CTNNA3: variants seen among roughly 807,000 people sequenced by gnomAD.
CTNNA3 encodes the protein catenin alpha-3.
In CTNNA3, 76 loss-of-function variants were observed where a neutral mutation model predicts 95.7. The observed-to-expected ratio is 0.79, with a 90% CI of 0.66 to 0.96. The LOEUF is 0.96. Ranked by LOEUF, CTNNA3 falls within the 40% of genes least tolerant of loss-of-function variation. The probability of loss-of-function intolerance (pLI) is 0.00; values close to 1 mark genes in which losing one functional copy is unlikely to be tolerated. For missense variants in CTNNA3, 1,191 were observed against 1,089.8 expected (o/e 1.09, Z -1.31); for synonymous variants, 431 against 374.4 (o/e 1.15, Z -1.74).
At chr10:66,950,236 T>C (rs1848469504) in intron 7 of CTNNA3, among the ~76,000 whole-genome samples, 1 of 152,162 alleles carries the variant, frequency 6.6e-6, no homozygotes, top group Admixed American at 6.5e-5. Context: ...CCCATTCAAC[T>C]CTAATTGTAT....
intron 10 of CTNNA3, among the ~76,000 whole-genome samples, chr10:66,548,363 T>C (rs1206968648): frequency 6.6e-6 from 1 of 152,206 alleles, no homozygotes; most frequent in African/African-American, 2.4e-5. Flanking sequence ...TATTAAGTAT[T>C]ATAATTTGTC....
At chr10:67,263,388 G>A (rs1866692164) in intron 5 of CTNNA3, among the ~76,000 whole-genome samples, 1 of 152,158 alleles carries the variant, frequency 6.6e-6, no homozygotes, top group Non-Finnish European at 1.5e-5. Context: ...TAAGTCAGAG[G>A]TGGAGAAAAG....
intron 9 of CTNNA3, among the ~76,000 whole-genome samples, chr10:66,671,312 C>T (rs1384540317): frequency 6.6e-6 from 1 of 152,058 alleles, no homozygotes; most frequent in Non-Finnish European, 1.5e-5. Context: ...TGTACAATTG[C>T]TGAAAACCAT....
chr10:67,050,054 G>C (rs1400479086), intron 7 of CTNNA3, among the ~76,000 whole-genome samples: 4 of 152,128 alleles, frequency 2.6e-5, no homozygotes, highest in Non-Finnish European at 4.4e-5. Flanking sequence ...ACTGTGGCTA[G>C]GCATGCACAA....
chr10:66,480,486 C>T lies in CTNNA3; in HGVS notation c.1531+40131G>A, dbSNP rs183868974. Reference sequence around the variant, plus strand: ...TTATTTAACTAGTCATTTATTCTTTCGACAAATAGGCACTGGATATATGTC... The same window carrying T: ...TTATTTAACTAGTCATTTATTCTTTTGACAAATAGGCACTGGATATATGTC... On this transcript the variant is annotated intron_variant, in intron 11 of 17. Transcript: ENST00000433211. 5.1e-3 allele frequency among the ~76,000 whole-genome samples: 771 copies of T among 152,132 alleles called. 7 individuals carry two copies. Among genetic ancestry groups the T allele is most frequent in the African/African-American group, 0.017 (714 of 41,506 alleles).
At chr10:66,200,725 C>G (rs1365642876) in intron 13 of CTNNA3, among the ~76,000 whole-genome samples, 4 of 152,140 alleles carry the variant, frequency 2.6e-5, no homozygotes, top group African/African-American at 9.7e-5. Flanking sequence ...AATCACATCC[C>G]TGTGGTTATA....
intron 3 of CTNNA3, among the ~76,000 whole-genome samples, chr10:67,592,311 G>A (rs767515118): frequency 1.3e-5 from 2 of 152,078 alleles, no homozygotes; most frequent in Non-Finnish European, 2.9e-5. Flanking sequence ...CTCAGGACAA[G>A]AATTTGCTGA....
At chr10:66,507,291 G>A (rs56666422) in intron 11 of CTNNA3, among the ~76,000 whole-genome samples, 24,776 of 151,910 alleles carry the variant, frequency 0.16, 2,139 homozygotes, top group African/African-American at 0.19. Flanking sequence ...TACAGTGTGT[G>A]ATTATAAATT....
rs577283286 is a variant in CTNNA3 at position 66,810,474 on chromosome 10, A to T, written c.1048-34950T>A. ...CCCCACATTCTGCTGATTCCACTTC[A>T]GAAACATCTCTCAATTTCAGATCTC... On this transcript the variant is annotated intron_variant, in intron 7 of 17. Transcript: ENST00000433211. Among the ~76,000 whole-genome samples, 37 of 152,244 alleles carry T rather than the reference A, an allele frequency of 2.4e-4. 1 individual carries two copies. The South Asian group carries it at 7.2e-3, about 30-fold the overall frequency.
At chr10:67,741,839 A>C (rs888727400) in intron 1 of CTNNA3, among the ~76,000 whole-genome samples, 1 of 151,254 alleles carries the variant, frequency 6.6e-6, no homozygotes, top group African/African-American at 2.4e-5. Flanking sequence ...AAAACAAAAA[A>C]GGCAGGTGTT....
intron 5 of CTNNA3, among the ~76,000 whole-genome samples, chr10:67,349,196 C>T (rs1244711508): frequency 6.6e-6 from 1 of 152,138 alleles, no homozygotes; most frequent in Admixed American, 6.5e-5. Flanking sequence ...AGCAGTCCCA[C>T]TCTGGGTATT....
chr10:67,060,471 G>A (rs940722850), intron 7 of CTNNA3, among the ~76,000 whole-genome samples: 1 of 152,124 alleles, frequency 6.6e-6, no homozygotes, highest in African/African-American at 2.4e-5. Flanking sequence ...GTTTCCAATT[G>A]TGGCAGAAAT....
In CTNNA3 at chr10:66,102,574, A is replaced by G. The variant is rs543070676; in HGVS notation, c.1977+583T>C. 4.6e-5 allele frequency among the ~76,000 whole-genome samples: 7 copies of G among 152,306 alleles called. No individual in the cohort carries two copies. The East Asian group carries it at 5.8e-4, about 13-fold the overall frequency. On this transcript the variant is annotated intron_variant, in intron 14 of 17. Transcript: ENST00000433211. ...GTTGTCTGGTCTGTAGTTGCAAGCG[A>G]TAAGTGGCTAGGATGCCAAACTTTC...
chr10:67,469,828 G>T (rs930412769), intron 5 of CTNNA3, among the ~76,000 whole-genome samples: 1 of 152,088 alleles, frequency 6.6e-6, no homozygotes, highest in Non-Finnish European at 1.5e-5. Context: ...CATAGTAGGT[G>T]TATATATTTA....
intron 7 of CTNNA3, among the ~76,000 whole-genome samples, chr10:66,941,036 C>A (rs900949418): frequency 6.6e-6 from 1 of 152,076 alleles, no homozygotes; most frequent in South Asian, 2.1e-4. Context: ...AAAGAAAGCC[C>A]AACATACTCT....
intron 12 of CTNNA3, among the ~76,000 whole-genome samples, chr10:66,311,683 G>A (rs2092023177): frequency 6.6e-6 from 1 of 152,168 alleles, no homozygotes; most frequent in African/African-American, 2.4e-5. Context: ...AATGCCAGAA[G>A]TTTTAATATT....
chr10:66,644,483 A>ATG (rs34944070), intron 9 of CTNNA3, among the ~76,000 whole-genome samples: 96,083 of 145,660 alleles, frequency 0.66, 32,524 homozygotes, highest in East Asian at 0.95. Context: ...GTTTATATAT[A>ATG]TATATACACA....
chr10:67,564,430 G>A (rs1227157645), intron 3 of CTNNA3, among the ~76,000 whole-genome samples: 1 of 138,910 alleles, frequency 7.2e-6, no homozygotes, highest in African/African-American at 2.7e-5. Flanking sequence ...ACTCATAGGT[G>A]GGAATTGAAC....
intron 5 of CTNNA3, among the ~76,000 whole-genome samples, chr10:67,287,021 G>A (rs746293251): frequency 2.0e-5 from 3 of 152,098 alleles, no homozygotes; most frequent in Non-Finnish European, 2.9e-5. Context: ...TCTGCTGAGC[G>A]ACTCCATGGT....
Sources: allele counts gnomAD v4.1 joint callset (sites outside exome capture counted in the v4.1 genomes callset), GRCh38; gene constraint gnomAD v4.1.1; transcripts MANE v1.5; gene names NCBI Gene and HGNC (gene_info 2026-07-23, HGNC 2026-07-21).